Variants in VPS13B observed in about 807,000 individuals in gnomAD.
VPS13B encodes the protein vacuolar protein sorting 13 homolog B.
In VPS13B, 285 loss-of-function variants were observed where a neutral mutation model predicts 426.4. The observed-to-expected ratio is 0.67, with a 90% CI of 0.61 to 0.74. The LOEUF (loss-of-function observed/expected upper bound fraction) is 0.74. Ranked by LOEUF, VPS13B falls within the 30% of genes least tolerant of loss-of-function variation. The pLI is 0.00. For synonymous variants in VPS13B, 1,676 were observed against 1,676.4 expected (o/e 1.00, Z 0.01); for missense variants, 4,537 against 4,782.6 (o/e 0.95, Z 1.51).
chr8:99,744,462 G>A lies in VPS13B; in HGVS notation c.7051-22312G>A, dbSNP rs564251109. Among the ~76,000 whole-genome samples, 869 of 152,180 alleles carry A rather than the reference G, an allele frequency of 5.7e-3. 8 individuals are homozygous for A. Among genetic ancestry groups the A allele is most frequent in the African/African-American group, 0.02 (815 of 41,532 alleles). On this transcript the variant is annotated intron_variant, in intron 39 of 61. Transcript: ENST00000357162. ...AAATACCATTTGACCCAGCCATCCC[G>A]TTACTGGGTATATACCCAAAGGATT...
rs1382645248 is a variant in VPS13B at position 99,832,548 on chromosome 8, C to T, written c.9510C>T (p.Asp3170=). The T allele has an allele frequency of 2.5e-6, 4 of 1,613,910 alleles. No homozygotes were observed. The highest frequency in any genetic ancestry group is 2.2e-5 in the East Asian group (1 of 44,860). Residue 3170 remains aspartate, a synonymous_variant, in exon 52 of 62, where the codon GAC becomes GAT. Transcript: ENST00000357162. ...MLGFSPAPGA[D]SSQCWSLPAI... is the part of the protein sequence containing the mutation. ...GCTTTTCTCCTGCCCCAGGTGCTGA[C>T]AGCTCACAGTGCTGGAGCCTGCCAG...
chr8:99,446,519 A>G (rs886820068), intron 23 of VPS13B, among the ~76,000 whole-genome samples: 2 of 151,810 alleles, frequency 1.3e-5, no homozygotes, highest in African/African-American at 4.8e-5. Context: ...TTTTCTTTCC[A>G]TACATATGTT....
chr8:99,256,525 C>T (rs1051209813), intron 17 of VPS13B, among the ~76,000 whole-genome samples: 1 of 152,040 alleles, frequency 6.6e-6, no homozygotes, highest in Non-Finnish European at 1.5e-5. Flanking sequence ...ACAAGGGTTC[C>T]GATTACTCCA....
intron 39 of VPS13B, among the ~76,000 whole-genome samples, chr8:99,757,469 C>T (rs955287378): frequency 1.3e-5 from 2 of 152,180 alleles, no homozygotes; most frequent in Non-Finnish European, 2.9e-5. Context: ...TGTTGTTTTG[C>T]CTAGGTTGCT....
chr8:99,519,394 C>T (rs1164163381), intron 29 of VPS13B, among the ~76,000 whole-genome samples: 2 of 152,148 alleles, frequency 1.3e-5, no homozygotes, highest in Non-Finnish European at 2.9e-5. Context: ...GTCAGTGTGG[C>T]AATTCCTCAG....
At chr8:99,577,701 CTA>C in intron 33 of VPS13B, 68 bp downstream of exon 33, 1 of 1,578,762 alleles carries the variant, frequency 6.3e-7, no homozygotes, top group East Asian at 2.2e-5. Context: ...AGTAGGAAAA[CTA>C]TAATTAAGCT....
chr8:99,803,886 A>T (rs1256782891), intron 43 of VPS13B, among the ~76,000 whole-genome samples: 1 of 152,092 alleles, frequency 6.6e-6, no homozygotes, highest in African/African-American at 2.4e-5. Flanking sequence ...TTTTAACTTA[A>T]TTTTTACTCA....
chr8:99,281,087 C>T (rs1819146118), intron 19 of VPS13B, among the ~76,000 whole-genome samples: 1 of 152,180 alleles, frequency 6.6e-6, no homozygotes, highest in Non-Finnish European at 1.5e-5. Flanking sequence ...AGATAATACT[C>T]TTCCAACTCA....
intron 35 of VPS13B, among the ~76,000 whole-genome samples, chr8:99,675,407 T>C (rs759305552): frequency 3.9e-4 from 60 of 152,186 alleles, no homozygotes; most frequent in Non-Finnish European, 6.3e-4. Flanking sequence ...GATAGTTTGA[T>C]TGTAATATGT....
At chr8:99,321,317 C>T (rs1437272905) in intron 19 of VPS13B, among the ~76,000 whole-genome samples, 2 of 146,526 alleles carry the variant, frequency 1.4e-5, no homozygotes, top group Admixed American at 7.1e-5. Flanking sequence ...TCAAGTTATT[C>T]TCCTGCCTCA....
chr8:99,132,138 C>G (rs1809836476), intron 8 of VPS13B, among the ~76,000 whole-genome samples: 1 of 151,698 alleles, frequency 6.6e-6, no homozygotes, highest in Non-Finnish European at 1.5e-5. Flanking sequence ...CTCAAGTGAT[C>G]CACCTGACTT....
chr8:99,359,201 G>GT (rs1812360140), intron 19 of VPS13B, among the ~76,000 whole-genome samples: 1 of 152,060 alleles, frequency 6.6e-6, no homozygotes, highest in Non-Finnish European at 1.5e-5. Flanking sequence ...CAATTTTAAT[G>GT]TTTTTTAACA....
Position 99,876,089 on chromosome 8 carries a change from T to G in VPS13B, c.*423T>G, listed in dbSNP as rs1817687456. 5.6e-6 allele frequency: 1 copy of G among 179,986 alleles called. No individual in the cohort carries two copies. Among genetic ancestry groups the G allele is most frequent in the Non-Finnish European group, 9.9e-6 (1 of 101,234 alleles). The allele number at this position is 179,986 out of a possible 1,614,324, so 11.1% of individuals were successfully genotyped here. ...GCAAAAATCTCTACTGTAATTAATT[T>G]GGGTCTATTATTAACTCTCTGTTCC... On this transcript the variant is annotated 3_prime_UTR_variant, in exon 62 of 62. Transcript: ENST00000357162.
At chr8:99,731,779 A>G (rs1321271181) in intron 39 of VPS13B, among the ~76,000 whole-genome samples, 2 of 152,230 alleles carry the variant, frequency 1.3e-5, no homozygotes, top group African/African-American at 4.8e-5. Context: ...TAATTGCAAG[A>G]TTTAAGCTCA....
In VPS13B at chr8:99,560,981, A is replaced by G. The variant is rs141241199; in HGVS notation, c.4949+4328A>G. ...ATCTCTCCTATTTGTTCTTTAATTCATTTAACTTATGGTTTGTGTATGTGT... is the reference window on the plus strand; with the variant it reads ...ATCTCTCCTATTTGTTCTTTAATTCGTTTAACTTATGGTTTGTGTATGTGT... On this transcript the variant is annotated intron_variant, in intron 31 of 61. Transcript: ENST00000357162. Among the ~76,000 whole-genome samples the G allele has an allele frequency of 2.0e-3, 312 of 152,286 alleles. 3 individuals carry two copies. Among genetic ancestry groups the G allele is most frequent in the Admixed American group, 9.0e-3 (138 of 15,290 alleles).
chr8:99,087,467 C>T (rs951004824), intron 3 of VPS13B, among the ~76,000 whole-genome samples: 2 of 152,000 alleles, frequency 1.3e-5, no homozygotes, highest in African/African-American at 2.4e-5. Flanking sequence ...CACTGTCCTG[C>T]ATCTACTTTC....
At chr8:99,835,800 C>A in intron 54 of VPS13B, 62 bp downstream of exon 54, 1 of 1,531,788 alleles carries the variant, frequency 6.5e-7, no homozygotes, top group South Asian at 1.1e-5. Context: ...GAGGTTTTGT[C>A]AGTTGCCTAT....
chr8:99,115,914 A>G (rs1434006754), intron 7 of VPS13B, 40 bp downstream of exon 7: 2 of 1,595,236 alleles, frequency 1.3e-6, no homozygotes, highest in African/African-American at 2.7e-5. Context: ...TTATTTTAAG[A>G]CTATTCTTAC....
chr8:99,778,051 G>A (rs552186925), intron 41 of VPS13B, among the ~76,000 whole-genome samples: 1 of 152,132 alleles, frequency 6.6e-6, no homozygotes, highest in South Asian at 2.1e-4. Context: ...CTAACACGGT[G>A]AAACCCCATC....
Sources: gnomAD v4.1 joint callset for allele counts (sites outside exome capture counted in the v4.1 genomes callset) on GRCh38, gnomAD v4.1.1 for gene constraint, MANE v1.5 for transcripts, NCBI Gene and HGNC (gene_info 2026-07-23, HGNC 2026-07-21) for gene names.